NUP58: variants seen among roughly 807,000 people sequenced by gnomAD.
The protein encoded by NUP58 is nucleoporin p58/p45.
Under a neutral mutation model 70.1 loss-of-function variants are expected in NUP58, and 17 were observed. The observed-to-expected ratio is 0.24, with a 90% CI of 0.17 to 0.36. NUP58 has a LOEUF of 0.36. Among genes scored for constraint, NUP58 ranks in the 10% least tolerant of loss-of-function variants. The pLI, the probability that NUP58 is intolerant of heterozygous loss-of-function variation, is 1.00. For synonymous variants in NUP58, 275 were observed against 257.6 expected, an observed-to-expected ratio of 1.07 and a Z score of -0.65; for missense variants, 644 against 701.5, an observed-to-expected ratio of 0.92 and a Z score of 0.93.
chr13:25,325,162 T>C (rs897310265), intron 10 of NUP58, 94 bp downstream of exon 10: 1 of 888,934 alleles, frequency 1.1e-6, no homozygotes, highest in Non-Finnish European at 1.8e-6. Context: ...TAGTATACTA[T>C]GTGGAAAGGC....
At chr13:25,332,184 G>C (rs1284563447) in intron 13 of NUP58, 1 of 985,942 alleles carries the variant, frequency 1.0e-6, no homozygotes, top group Admixed American at 6.1e-5. Context: ...AAGATGTTTT[G>C]AGATGTGGAT....
chr13:25,316,368 G>T (rs953600125), intron 6 of NUP58, among the ~76,000 whole-genome samples: 2 of 152,018 alleles, frequency 1.3e-5, no homozygotes, highest in African/African-American at 2.4e-5. Flanking sequence ...ATATACTAGG[G>T]TATATATATA....
At chr13:25,346,388 C>T (rs974269887), downstream of NUP58, among the ~76,000 whole-genome samples, 14 of 152,062 alleles carry the variant, frequency 9.2e-5, no homozygotes, top group South Asian at 2.1e-4. Context: ...TTTAACTTTA[C>T]ATAAATTAAT....
At chr13:25,344,541 G>T (rs929235187), downstream of NUP58, among the ~76,000 whole-genome samples, 1 of 152,166 alleles carries the variant, frequency 6.6e-6, no homozygotes, top group Admixed American at 6.6e-5. Context: ...TTTGTGTGGG[G>T]AGGCTATTCT....
chr13:25,336,943 G>A lies in NUP58; in HGVS notation c.1443G>A (p.Gln481=). ...TTTTTTTTTTTATACCAGGGCCACA[G>A]CCATCTCTGGGAGTTAGTTTTGGAA... is the stretch of plus-strand genomic sequence containing the variant. The part of the protein sequence containing the change: ...TQQQQPATGP[Q]PSLGVSFGTP... The change falls in exon 14 of 16, where the codon CAG becomes CAA. Residue 481 remains glutamine (Q), a synonymous_variant. Coordinates refer to ENST00000381736, the MANE Select transcript of NUP58 (RefSeq NM_014089.4). 1 of 1,579,390 alleles carries A rather than the reference G, an allele frequency of 6.3e-7. No individual in the cohort carries two copies. The highest frequency in any genetic ancestry group is 2.3e-5 in the East Asian group (1 of 43,668).
intron 7 of NUP58, chr13:25,320,196 A>G (rs2031122037): frequency 5.7e-6 from 1 of 176,900 alleles, no homozygotes; most frequent in Non-Finnish European, 1.2e-5. Context: ...TCTTTAAGCC[A>G]GAGGGAACTT....
intron 12 of NUP58, among the ~76,000 whole-genome samples, chr13:25,328,952 G>T (rs1348947376): frequency 6.6e-6 from 1 of 151,990 alleles, no homozygotes; most frequent in African/African-American, 2.4e-5. Flanking sequence ...CATAGTAACA[G>T]GATTTTTTTA....
downstream of NUP58, among the ~76,000 whole-genome samples, chr13:25,344,871 G>A (rs943001953): frequency 9.9e-5 from 15 of 152,064 alleles, no homozygotes; most frequent in Admixed American, 7.9e-4. Flanking sequence ...TAGTAAATCC[G>A]AGTTAATGTC....
chr13:25,343,852 CACAT>C (rs949324398), downstream of NUP58, among the ~76,000 whole-genome samples: 15 of 142,700 alleles, frequency 1.1e-4, no homozygotes, highest in Admixed American at 2.2e-4. Flanking sequence ...CGCACACACA[CACAT>C]ACATACACAC....
intron 13 of NUP58, chr13:25,335,080 A>T (rs2031733981): frequency 1.0e-6 from 1 of 985,004 alleles, no homozygotes; most frequent in Non-Finnish European, 1.2e-6. Flanking sequence ...GATATTTATC[A>T]TGAGTTTTTA....
intron 3 of NUP58, among the ~76,000 whole-genome samples, chr13:25,347,748 T>TG (rs1263453317): frequency 2.6e-5 from 4 of 152,232 alleles, no homozygotes; most frequent in African/African-American, 9.6e-5. Context: ...TTTTTGTAGA[T>TG]GTTTTTATAG....
At chr13:25,347,352 C>G (rs1392578372), downstream of NUP58, among the ~76,000 whole-genome samples, 2 of 152,300 alleles carry the variant, frequency 1.3e-5, no homozygotes, top group Non-Finnish European at 2.9e-5. Flanking sequence ...TGGCCAGCAC[C>G]TAGTCACATA....
chr13:25,325,852 G>C (rs1566066394), intron 10 of NUP58, among the ~76,000 whole-genome samples: 1 of 152,104 alleles, frequency 6.6e-6, no homozygotes, highest in African/African-American at 2.4e-5. Context: ...GAGCCACCAC[G>C]CCTGGCCCCT....
rs777339813 is a variant in NUP58 at position 25,313,663 on chromosome 13, T to A, written c.486T>A (p.Thr162=). Residue 162 remains threonine (T), a synonymous_variant, in exon 5 of 16, where the codon ACT becomes ACA. Coordinates refer to ENST00000381736, the MANE Select transcript of NUP58 (RefSeq NM_014089.4). ...LNNLGGTTAT[T]TTASTGLSLG... is the part of the protein sequence containing the mutation. ...ATTTGGGTGGGACAACAGCCACAAC[T>A]ACAACTGCATCAACAGGCCTCTCTT... 1 of 1,529,240 alleles carries A rather than the reference T, an allele frequency of 6.5e-7. No individual in the cohort carries two copies. The highest frequency in any genetic ancestry group is 8.7e-7 in the Non-Finnish European group (1 of 1,151,512). The allele number at this position is 1,529,240 out of a possible 1,614,324, so 94.7% of individuals were successfully genotyped here.
At chr13:25,303,016 G>A (rs1489330207) in intron 1 of NUP58, 2 of 456,370 alleles carry the variant, frequency 4.4e-6, no homozygotes, top group Non-Finnish European at 8.8e-6. Context: ...TAGGTATTAA[G>A]AGTCTTGCTC....
In NUP58 at chr13:25,340,051, C is replaced by G; in HGVS notation, c.1717C>G (p.Pro573Ala). The G allele has an allele frequency of 6.2e-7, 1 of 1,613,884 alleles. No homozygotes were observed. The highest frequency in any genetic ancestry group is 8.5e-7 in the Non-Finnish European group (1 of 1,179,930). ...SAGLTFGVSN[P>A]ASAGFGTGGQ... ...TGGTTTGACTTTTGGGGTGTCCAAT[C>G]CTGCCTCTGCAGGTTTTGGAACAGG... The change falls in exon 16 of 16, where the codon CCT (proline) becomes GCT (alanine). Residue 573 changes from proline to alanine, a missense_variant. Physicochemically the swap from Pro to Ala is conservative, Grantham distance 27. Transcript: ENST00000381736.
Position 25,320,993 on chromosome 13 carries a change from A to C in NUP58, c.851A>C (p.Gln284Pro). The change falls in exon 9 of 16, where the codon CAA becomes CCA. Residue 284 changes from glutamine to proline, a missense_variant. By Grantham distance (76) the Gln-to-Pro change is moderately conservative (BLOSUM62 -1). Around this residue, in one of 4 missense-constraint regions of NUP58, gnomAD observed 430 missense variants for 409.2 expected, o/e 1.05. Coordinates refer to ENST00000381736, the MANE Select transcript of NUP58 (RefSeq NM_014089.4). Reference sequence around the variant, plus strand: ...TCTTCAAAAGCAATGCTTAAGGTACAAGAAGATATTAAAGCTCTGAAGCAG... The same window carrying C: ...TCTTCAAAAGCAATGCTTAAGGTACCAGAAGATATTAAAGCTCTGAAGCAG... The part of the protein sequence containing the change: ...RMSSKAMLKV[Q>P]EDIKALKQLL... 1 of 1,601,316 alleles carries C rather than the reference A, an allele frequency of 6.2e-7. No homozygotes were observed. Among genetic ancestry groups the C allele is most frequent in the Non-Finnish European group, 8.5e-7 (1 of 1,175,452 alleles).
At chr13:25,324,836 G>A (rs1464429814) in intron 9 of NUP58, among the ~76,000 whole-genome samples, 153 bp from the exon 10 acceptor site, 3 of 152,112 alleles carry the variant, frequency 2.0e-5, no homozygotes, top group South Asian at 2.1e-4. Context: ...AACTTGTGAA[G>A]CAGCTTCATC....
intron 6 of NUP58, among the ~76,000 whole-genome samples, chr13:25,315,915 T>G (rs2030910528): frequency 6.6e-6 from 1 of 152,180 alleles, no homozygotes. Context: ...GCTTATAAGC[T>G]CTCTGACCTT....
Sources: gnomAD v4.1 joint callset for allele counts (sites outside exome capture counted in the v4.1 genomes callset) on GRCh38, gnomAD v4.1.1 for gene constraint, gnomAD v4.1.1 regional missense constraint, MANE v1.5 for transcripts, NCBI Gene and HGNC (gene_info 2026-07-23, HGNC 2026-07-21) for gene names.